COL4A4: variants seen among roughly 807,000 people sequenced by gnomAD.
COL4A4 encodes collagen type IV alpha 4 chain.
A neutral mutation model predicts 192.9 loss-of-function variants in COL4A4; 105 were observed. The observed-to-expected ratio is 0.54, with a 90% CI of 0.46 to 0.64. The LOEUF is 0.64. Ranked by LOEUF, COL4A4 falls within the 30% of genes least tolerant of loss-of-function variation. The pLI, the probability that COL4A4 is intolerant of heterozygous loss-of-function variation, is 0.00. For synonymous variants in COL4A4, 762 were observed against 769.9 expected, an observed-to-expected ratio of 0.99 and a Z score of 0.17; for missense variants, 1,967 against 2,169.3, an observed-to-expected ratio of 0.91 and a Z score of 1.85.
intron 44 of COL4A4, among the ~76,000 whole-genome samples, chr2:227,017,865 A>AT (rs1226167769): frequency 6.6e-6 from 1 of 152,066 alleles, no homozygotes. Flanking sequence ...AACTCATGTC[A>AT]TGGAGGTTTG....
chr2:227,110,882 A>G (rs1330582499), intron 9 of COL4A4, among the ~76,000 whole-genome samples: 3 of 150,876 alleles, frequency 2.0e-5, no homozygotes, highest in African/African-American at 4.9e-5. Context: ...GGCTTTCACC[A>G]TGTTGGCCAG....
At chr2:227,057,301 G>A (rs1975661280) in intron 29 of COL4A4, 138 bp downstream of exon 29, 2 of 1,039,366 alleles carry the variant, frequency 1.9e-6, no homozygotes, top group Non-Finnish European at 2.8e-6. Flanking sequence ...AAACCAACAT[G>A]AAACTCATGA....
intron 13 of COL4A4, among the ~76,000 whole-genome samples, chr2:227,103,561 C>T (rs567793380): frequency 1.5e-4 from 23 of 152,340 alleles, no homozygotes; most frequent in African/African-American, 3.6e-4. Flanking sequence ...TGGTAGCTGA[C>T]AGAGGAATTA....
the COL4A4 span, among the ~76,000 whole-genome samples, chr2:226,978,048 T>C: frequency 6.6e-6 from 1 of 152,228 alleles, no homozygotes; most frequent in African/African-American, 2.4e-5. Context: ...TGGTGTAGTG[T>C]CCTCACTGGA....
At chr2:227,056,255 T>C (rs1975326560) in intron 29 of COL4A4, 140 bp from the exon 30 acceptor site, 2 of 734,804 alleles carry the variant, frequency 2.7e-6, no homozygotes, top group Admixed American at 4.2e-5. Flanking sequence ...AGTAGCAACT[T>C]TCCATCAATC....
intron 3 of COL4A4, among the ~76,000 whole-genome samples, chr2:227,140,601 C>A (rs1348677381): frequency 6.6e-6 from 1 of 151,886 alleles, no homozygotes; most frequent in South Asian, 2.1e-4. Flanking sequence ...ACAGTGGAGT[C>A]TAGTTTAAAT....
intron 46 of COL4A4, among the ~76,000 whole-genome samples, chr2:227,009,707 AAAAGAGG>A (rs1490822628): frequency 0.034 from 4,684 of 136,880 alleles, 222 homozygotes; most frequent in African/African-American, 0.13. Flanking sequence ...CAAAAAAAAA[AAAAGAGG>A]AAAAGAGAAG....
chr2:227,029,843 T>TA (rs1193492979), intron 41 of COL4A4, among the ~76,000 whole-genome samples: 1 of 152,064 alleles, frequency 6.6e-6, no homozygotes, highest in East Asian at 1.9e-4. Flanking sequence ...TGCAGGAATA[T>TA]AAAAAAGCAA....
intron 28 of COL4A4, 35 bp from the exon 29 acceptor site, chr2:227,057,635 CAA>C (rs1407170472): frequency 1.2e-6 from 2 of 1,608,660 alleles, no homozygotes; most frequent in Non-Finnish European, 1.7e-6. Context: ...ACATTCATGA[CAA>C]AAAACTATAC....
chr2:226,995,644 G>C, the COL4A4 span: 1 of 716,184 alleles, frequency 1.4e-6, no homozygotes. Context: ...TATTGCTCCA[G>C]ATCGCTCACA....
intron 44 of COL4A4, among the ~76,000 whole-genome samples, chr2:227,014,133 C>A (rs1964390809): frequency 6.6e-6 from 1 of 152,164 alleles, no homozygotes; most frequent in South Asian, 2.1e-4. Flanking sequence ...CCTAGAGCAA[C>A]CCTGGACTCA....
chr2:226,991,781 T>C, the COL4A4 span, among the ~76,000 whole-genome samples: 28 of 152,304 alleles, frequency 1.8e-4, no homozygotes, highest in African/African-American at 6.5e-4. Context: ...TGGGATTTAA[T>C]CACAGGTTGT....
chr2:227,132,781 AAAAAATAAAC>A (rs1437177169), intron 4 of COL4A4, among the ~76,000 whole-genome samples: 1 of 151,412 alleles, frequency 6.6e-6, no homozygotes, highest in Non-Finnish European at 1.5e-5. Context: ...TCTAAAAAAT[AAAAAATAAAC>A]AAAAAAAAGA....
intron 42 of COL4A4, 36 bp from the exon 43 acceptor site, chr2:227,025,846 C>T: frequency 6.2e-7 from 1 of 1,606,202 alleles, no homozygotes; most frequent in Non-Finnish European, 8.5e-7. Context: ...GAGGCCAGTC[C>T]ATGATTTTCA....
At chr2:227,086,846 C>A (rs1364175257) in intron 22 of COL4A4, among the ~76,000 whole-genome samples, 1 of 152,224 alleles carries the variant, frequency 6.6e-6, no homozygotes, top group African/African-American at 2.4e-5. Flanking sequence ...TTAACAATTG[C>A]AACCATGCTT....
Position 227,050,088 on chromosome 2 carries a change from TC to T in COL4A4, c.3193del (p.Asp1065MetfsTer76). 1.9e-6 allele frequency: 3 copies of T among 1,614,190 alleles called. No individual in the cohort carries two copies. The highest frequency in any genetic ancestry group is 2.5e-6 in the Non-Finnish European group (3 of 1,180,006). The stretch of plus-strand genomic sequence containing the variant: ...CATACCTTTAGGTCCTCTTGCTCCA[TC>T]AATTCCTGAAAATCCAGGGGGACCT... ...SPGPPGFSGIDGARGPKGNKG... is the reference protein window; with the variant it reads ...SPGPPGFSGIXGARGPKGNKG... On this transcript the variant is annotated frameshift_variant, in exon 34 of 48. Transcript: ENST00000396625. LOFTEE classifies it high-confidence loss of function.
At chr2:227,140,980 C>T (rs76794069) in intron 3 of COL4A4, among the ~76,000 whole-genome samples, 106 of 151,816 alleles carry the variant, frequency 7.0e-4, no homozygotes, top group Non-Finnish European at 1.1e-3. Context: ...TATCCAGAGT[C>T]ATCATCCACT....
At chr2:226,996,944 A>G in the COL4A4 span, 3 of 152,186 alleles carry the variant, frequency 2.0e-5, no homozygotes, top group Non-Finnish European at 4.4e-5. Flanking sequence ...CTGTAGCCCT[A>G]CCCTTAGAGG....
intron 32 of COL4A4, among the ~76,000 whole-genome samples, chr2:227,051,429 C>T (rs1974076733): frequency 6.6e-6 from 1 of 152,120 alleles, no homozygotes; most frequent in South Asian, 2.1e-4. Context: ...GAAGCACTTA[C>T]CCAGAAAAGT....
Sources: gnomAD v4.1 joint callset for allele counts (sites outside exome capture counted in the v4.1 genomes callset) on GRCh38, gnomAD v4.1.1 for gene constraint, MANE v1.5 for transcripts, NCBI Gene and HGNC (gene_info 2026-07-23, HGNC 2026-07-21) for gene names.